The following STARD13 variants were observed in gnomAD, a reference collection of about 807,000 sequenced individuals.
The protein encoded by STARD13 is stAR-related lipid transfer protein 13.
Under a neutral mutation model 106.4 loss-of-function variants are expected in STARD13, and 62 were observed. The ratio of observed to expected loss-of-function variants is 0.58; its 90% confidence interval spans 0.48 to 0.72. STARD13 has a LOEUF of 0.72. Ranked by LOEUF, STARD13 falls within the 30% of genes least tolerant of loss-of-function variation. The pLI, the probability that STARD13 is intolerant of heterozygous loss-of-function variation, is 0.00. For synonymous variants in STARD13, 565 were observed against 553.0 expected (o/e 1.02, Z -0.31); for missense variants, 1,387 against 1,424.0 (o/e 0.97, Z 0.42).
the STARD13 span, among the ~76,000 whole-genome samples, chr13:33,512,904 C>T: frequency 2.0e-5 from 3 of 152,176 alleles, no homozygotes; most frequent in Non-Finnish European, 4.4e-5. Flanking sequence ...CTGTGCATAT[C>T]TTGATCTCAG....
At chr13:33,245,610 T>C (rs989634789) in intron 1 of STARD13, among the ~76,000 whole-genome samples, 1 of 152,216 alleles carries the variant, frequency 6.6e-6, no homozygotes, top group African/African-American at 2.4e-5. Context: ...ACAAATTGTA[T>C]AATGTTCCCT....
the STARD13 span, among the ~76,000 whole-genome samples, chr13:33,593,722 C>G: frequency 6.6e-6 from 1 of 151,998 alleles, no homozygotes; most frequent in Non-Finnish European, 1.5e-5. Flanking sequence ...ATCAATCCCT[C>G]CCAAATTGCT....
the STARD13 span, among the ~76,000 whole-genome samples, chr13:33,537,742 C>T: frequency 1.3e-5 from 2 of 152,180 alleles, no homozygotes; most frequent in African/African-American, 4.8e-5. Flanking sequence ...TGTATTTCTT[C>T]TTGCCTGACT....
At chr13:33,261,051 C>T (rs2138323399) in intron 1 of STARD13, among the ~76,000 whole-genome samples, 1 of 152,324 alleles carries the variant, frequency 6.6e-6, no homozygotes, top group East Asian at 1.9e-4. Flanking sequence ...TCAAAGAAGA[C>T]TCTGGTACAC....
chr13:33,519,738 C>G, the STARD13 span, among the ~76,000 whole-genome samples: 1 of 152,108 alleles, frequency 6.6e-6, no homozygotes, highest in Non-Finnish European at 1.5e-5. Context: ...CTTCATAACA[C>G]AGAAAATCAA....
At chr13:33,625,226 G>A in the STARD13 span, among the ~76,000 whole-genome samples, 2,153 of 152,282 alleles carry the variant, frequency 0.014, 46 homozygotes, top group African/African-American at 0.046. Flanking sequence ...CAAGGGCAGA[G>A]GTAGAAGCCC....
chr13:33,203,833 T>C (rs1206571247), intron 1 of STARD13, among the ~76,000 whole-genome samples: 2 of 152,224 alleles, frequency 1.3e-5, no homozygotes, highest in Non-Finnish European at 2.9e-5. Flanking sequence ...AATGCAGAAG[T>C]TCTGTCTAAG....
intron 3 of STARD13, among the ~76,000 whole-genome samples, chr13:33,157,660 A>T (rs939434028): frequency 1.3e-5 from 2 of 152,082 alleles, no homozygotes; most frequent in African/African-American, 4.8e-5. Context: ...ACAGAGTGAG[A>T]CTCTGCCTAA....
chr13:33,500,091 C>T, the STARD13 span, among the ~76,000 whole-genome samples: 1 of 152,036 alleles, frequency 6.6e-6, no homozygotes, highest in Non-Finnish European at 1.5e-5. Context: ...TCATGAAAGT[C>T]CTACCCTCAA....
the STARD13 span, among the ~76,000 whole-genome samples, chr13:33,591,270 G>A: frequency 6.6e-6 from 1 of 152,302 alleles, no homozygotes; most frequent in South Asian, 2.1e-4. Context: ...CTGAAGCCAC[G>A]TTTATTAAAG....
the STARD13 span, among the ~76,000 whole-genome samples, chr13:33,371,731 C>T: frequency 2.6e-5 from 4 of 152,170 alleles, no homozygotes; most frequent in East Asian, 7.7e-4. Flanking sequence ...AAAACGGAGA[C>T]CCTCTGAGGT....
chr13:33,174,641 T>C (rs9527172), intron 1 of STARD13, among the ~76,000 whole-genome samples: 36,387 of 152,170 alleles, frequency 0.24, 5,110 homozygotes, highest in South Asian at 0.38. Flanking sequence ...AAGCAATAAA[T>C]ACACTTGTTT....
At chr13:33,431,004 T>G in the STARD13 span, among the ~76,000 whole-genome samples, 33,298 of 152,076 alleles carry the variant, frequency 0.22, 6,416 homozygotes, top group African/African-American at 0.52. Context: ...CTATTCTAGA[T>G]TAGTAGGTGG....
At chr13:33,477,685 A>G in the STARD13 span, among the ~76,000 whole-genome samples, 606 of 152,280 alleles carry the variant, frequency 4.0e-3, 1 homozygote, top group African/African-American at 0.012. Flanking sequence ...TCTTCATCCC[A>G]TTATTCCACA....
chr13:33,172,703 A>G (rs532608096), intron 1 of STARD13, among the ~76,000 whole-genome samples: 17 of 152,336 alleles, frequency 1.1e-4, no homozygotes, highest in African/African-American at 3.4e-4. Context: ...TACTTTTTCA[A>G]TAGCTCACTG....
chr13:33,239,986 T>G (rs1271521740), intron 1 of STARD13, among the ~76,000 whole-genome samples: 2 of 152,220 alleles, frequency 1.3e-5, no homozygotes, highest in Non-Finnish European at 2.9e-5. Flanking sequence ...TCATTAAGCT[T>G]TTCTCCTGTT....
intron 1 of STARD13, among the ~76,000 whole-genome samples, chr13:33,253,368 T>A (rs542149171): frequency 6.6e-6 from 1 of 152,318 alleles, no homozygotes; most frequent in East Asian, 1.9e-4. Flanking sequence ...AAAAGCTACA[T>A]TAAGCCAATG....
chr13:33,111,921 G>A, intron 9 of STARD13, 29 bp from the exon 10 acceptor site: 1 of 1,420,514 alleles, frequency 7.0e-7, no homozygotes, highest in Non-Finnish European at 1.0e-6. Context: ...GTGCTAAGCA[G>A]ATCCCACACC....
the STARD13 span, among the ~76,000 whole-genome samples, chr13:33,466,159 A>T: frequency 6.6e-6 from 1 of 152,224 alleles, no homozygotes; most frequent in Non-Finnish European, 1.5e-5. Flanking sequence ...AGTGCTCAGT[A>T]TATCCTAATT....
Sources: gnomAD v4.1 joint callset for allele counts (sites outside exome capture counted in the v4.1 genomes callset) on GRCh38, gnomAD v4.1.1 for gene constraint, MANE v1.5 for transcripts, NCBI Gene and HGNC (gene_info 2026-07-23, HGNC 2026-07-21) for gene names.